Variants in GNG2 observed in about 807,000 individuals in gnomAD.
The protein encoded by GNG2 is G protein subunit gamma 2.
GNG2 carries 5 observed loss-of-function variants against 5.5 expected under a neutral mutation model. That is an observed-to-expected ratio of 0.91 (90% CI 0.48 to 1.92). The LOEUF is 1.92. Among genes scored for constraint, GNG2 ranks in the 30% most tolerant of loss-of-function variants. The pLI is 0.01. For synonymous variants in GNG2, 28 were observed against 32.0 expected, an observed-to-expected ratio of 0.88 and a Z score of 0.42; for missense variants, 55 against 88.4, an observed-to-expected ratio of 0.62 and a Z score of 1.52.
chr14:51,848,676 G>C (rs1265430055), intron 2 of GNG2, among the ~76,000 whole-genome samples: 5 of 152,212 alleles, frequency 3.3e-5, no homozygotes. Flanking sequence ...GGAGAATGAA[G>C]GGAGTATTTA....
At chr14:51,835,565 A>G (rs1881307714) in intron 2 of GNG2, among the ~76,000 whole-genome samples, 1 of 152,096 alleles carries the variant, frequency 6.6e-6, no homozygotes, top group South Asian at 2.1e-4. Flanking sequence ...TCAAAGTCTA[A>G]CCCACTCCTG....
chr14:51,911,632 C>G (rs1594905152), intron 2 of GNG2, among the ~76,000 whole-genome samples: 1 of 151,066 alleles, frequency 6.6e-6, no homozygotes, highest in Non-Finnish European at 1.5e-5. Context: ...TAACCTCTAA[C>G]TCTTGGGCTC....
At position 51,890,165 on chromosome 14, in the gene GNG2, C is replaced by G. The variant is rs535575744; in HGVS notation, c.-30+12508C>G. 7.9e-5 allele frequency among the ~76,000 whole-genome samples: 12 copies of G among 152,316 alleles called. No individual in the cohort carries two copies. In the South Asian group the frequency reaches 1.0e-3, roughly 13 times the overall value. On this transcript the variant is annotated intron_variant, in intron 2 of 3. Transcript: ENST00000556766. ...ACAGACTTCCTCCCTTTCTAATTGTCTTCCTTCACCTGGTGAAACACTGCC... is the reference window on the plus strand; with the variant it reads ...ACAGACTTCCTCCCTTTCTAATTGTGTTCCTTCACCTGGTGAAACACTGCC...
chr14:51,833,670 T>C (rs1486093962), intron 2 of GNG2, among the ~76,000 whole-genome samples: 2 of 152,170 alleles, frequency 1.3e-5, no homozygotes, highest in East Asian at 1.9e-4. Flanking sequence ...GTAACAGATA[T>C]AATAGAAGGA....
intron 3 of GNG2, among the ~76,000 whole-genome samples, chr14:51,951,447 G>A (rs1400935990): frequency 6.6e-6 from 1 of 152,124 alleles, no homozygotes; most frequent in Non-Finnish European, 1.5e-5. Flanking sequence ...CCAATATGCT[G>A]TCGTTATTAA....
At chr14:51,902,051 A>G (rs1049524277) in intron 2 of GNG2, among the ~76,000 whole-genome samples, 2 of 150,564 alleles carry the variant, frequency 1.3e-5, no homozygotes, top group African/African-American at 4.9e-5. Flanking sequence ...ATAATGTAGC[A>G]TGTATATTTT....
chr14:51,919,142 T>C (rs1188729779), intron 2 of GNG2, among the ~76,000 whole-genome samples: 1 of 115,514 alleles, frequency 8.7e-6, no homozygotes. Context: ...CTTTTAATGA[T>C]TTTACTCTAA....
intron 2 of GNG2, among the ~76,000 whole-genome samples, chr14:51,946,711 G>A (rs1888664506): frequency 6.6e-6 from 1 of 151,884 alleles, no homozygotes; most frequent in South Asian, 2.1e-4. Context: ...TCCTTCTTTT[G>A]CTCCTATTTT....
intron 3 of GNG2, among the ~76,000 whole-genome samples, chr14:51,961,424 G>A (rs1204843172): frequency 2.0e-5 from 3 of 152,184 alleles, no homozygotes; most frequent in African/African-American, 7.2e-5. Context: ...CAATTACTAT[G>A]AGTGTTGAAT....
chr14:51,903,480 A>T (rs1306252218), intron 2 of GNG2, among the ~76,000 whole-genome samples: 1 of 152,196 alleles, frequency 6.6e-6, no homozygotes, highest in African/African-American at 2.4e-5. Flanking sequence ...GCGTGGACTT[A>T]TGTGCTCACA....
chr14:51,957,203 C>T (rs945907560), intron 3 of GNG2, among the ~76,000 whole-genome samples: 6 of 152,168 alleles, frequency 3.9e-5, no homozygotes, highest in Admixed American at 2.6e-4. Context: ...TTTATTCTTC[C>T]ACCTTCTGTC....
chr14:51,965,424 G>T (rs1031149306), intron 3 of GNG2, among the ~76,000 whole-genome samples: 1 of 152,112 alleles, frequency 6.6e-6, no homozygotes, highest in African/African-American at 2.4e-5. Flanking sequence ...AGCTATAGAT[G>T]ACTTTTAGTT....
intron 2 of GNG2, among the ~76,000 whole-genome samples, chr14:51,883,145 C>T (rs1212239102): frequency 6.6e-6 from 1 of 152,056 alleles, no homozygotes; most frequent in Non-Finnish European, 1.5e-5. Flanking sequence ...CATCCCCAAG[C>T]ACCATTACCT....
At chr14:51,954,062 C>T (rs1443999719) in intron 3 of GNG2, among the ~76,000 whole-genome samples, 1 of 152,084 alleles carries the variant, frequency 6.6e-6, no homozygotes, top group East Asian at 1.9e-4. Context: ...CCTCATGTGA[C>T]CCCCAGAATA....
intron 2 of GNG2, among the ~76,000 whole-genome samples, chr14:51,880,661 G>T (rs1883987314): frequency 6.6e-6 from 1 of 152,096 alleles, no homozygotes; most frequent in Non-Finnish European, 1.5e-5. Context: ...AGAGCTAGCA[G>T]CAGGGCAACA....
chr14:51,928,958 T>C (rs1260864982), intron 2 of GNG2, among the ~76,000 whole-genome samples: 8 of 152,240 alleles, frequency 5.3e-5, no homozygotes, highest in Non-Finnish European at 7.3e-5. Flanking sequence ...TGTGCTTTCG[T>C]TGTTCTCACC....
At chr14:51,879,839 CTT>C (rs1488174295) in intron 2 of GNG2, among the ~76,000 whole-genome samples, 1 of 152,182 alleles carries the variant, frequency 6.6e-6, no homozygotes, top group Non-Finnish European at 1.5e-5. Context: ...TTTGAAGTCT[CTT>C]TATCTGTAAG....
intron 2 of GNG2, among the ~76,000 whole-genome samples, chr14:51,900,569 T>C (rs1002017205): frequency 1.3e-5 from 2 of 149,324 alleles, no homozygotes; most frequent in Admixed American, 1.3e-4. Context: ...TAGGATCTAG[T>C]ATGACATTGA....
At chr14:51,844,180 C>A (rs941961806) in intron 2 of GNG2, among the ~76,000 whole-genome samples, 5 of 152,222 alleles carry the variant, frequency 3.3e-5, no homozygotes, top group Non-Finnish European at 7.3e-5. Flanking sequence ...CAAATGGCTG[C>A]TACCAGCTGT....
Sources: gnomAD v4.1 joint callset for allele counts (sites outside exome capture counted in the v4.1 genomes callset) on GRCh38, gnomAD v4.1.1 for gene constraint, MANE v1.5 for transcripts, NCBI Gene and HGNC (gene_info 2026-07-23, HGNC 2026-07-21) for gene names.